The following KSR2 variants were observed in gnomAD, a reference collection of about 807,000 sequenced individuals.
KSR2 encodes kinase suppressor of ras 2.
KSR2 carries 25 observed loss-of-function variants against 107.8 expected under a neutral mutation model. That is an observed-to-expected ratio of 0.23 (90% CI 0.17 to 0.32). The LOEUF is 0.32. KSR2 is among the 10% of genes least tolerant of loss of function. KSR2 has a pLI of 1.00. For missense variants in KSR2, 887 were observed against 1,268.9 expected (o/e 0.70, Z 4.57); for synonymous variants, 480 against 507.0 (o/e 0.95, Z 0.71).
intron 14 of KSR2, among the ~76,000 whole-genome samples, chr12:117,489,545 T>C (rs1872639391): frequency 8.2e-6 from 1 of 121,264 alleles, no homozygotes; most frequent in Non-Finnish European, 1.7e-5. Flanking sequence ...TGAGACCCTG[T>C]CTCAAAAAAA....
intron 4 of KSR2, among the ~76,000 whole-genome samples, chr12:117,739,441 T>G (rs1408141411): frequency 6.6e-6 from 1 of 152,224 alleles, no homozygotes; most frequent in Non-Finnish European, 1.5e-5. Context: ...AGAGGCAATT[T>G]CCAGCTCCAT....
chr12:117,598,196 T>G (rs908778895), intron 5 of KSR2, among the ~76,000 whole-genome samples: 2 of 152,312 alleles, frequency 1.3e-5, no homozygotes, highest in Non-Finnish European at 2.9e-5. Context: ...TGCATCCCCA[T>G]AGCTTAGATC....
intron 1 of KSR2, among the ~76,000 whole-genome samples, chr12:117,904,910 G>A (rs535636144): frequency 2.0e-5 from 3 of 152,314 alleles, no homozygotes; most frequent in East Asian, 3.9e-4. Context: ...GGCCGGGCAC[G>A]GTGGCTCACA....
intron 5 of KSR2, 134 bp from the exon 6 acceptor site, chr12:117,582,493 C>T (rs557214404): frequency 2.3e-5 from 16 of 684,640 alleles, no homozygotes; most frequent in Non-Finnish European, 3.7e-5. Flanking sequence ...TAAACCAAAG[C>T]CAAGTGGAAC....
At chr12:117,965,925 A>G (rs1259590886) in intron 1 of KSR2, among the ~76,000 whole-genome samples, 1 of 152,206 alleles carries the variant, frequency 6.6e-6, no homozygotes, top group Non-Finnish European at 1.5e-5. Flanking sequence ...GCCCCTCTGC[A>G]GGGGCCCTCC....
chr12:117,539,908 A>G, intron 9 of KSR2, 21 bp from the exon 10 acceptor site: 3 of 1,585,804 alleles, frequency 1.9e-6, no homozygotes, highest in Admixed American at 3.7e-5. Context: ...AAAACAGGGT[A>G]GGAGTCAGGG....
At chr12:117,742,565 G>T (rs894266059) in intron 4 of KSR2, among the ~76,000 whole-genome samples, 1 of 147,284 alleles carries the variant, frequency 6.8e-6, no homozygotes, top group African/African-American at 2.5e-5. Flanking sequence ...AATGGGCAGA[G>T]AGATGAACAG....
chr12:117,481,141 T>C (rs904770994), intron 16 of KSR2, among the ~76,000 whole-genome samples: 1 of 152,138 alleles, frequency 6.6e-6, no homozygotes, highest in African/African-American at 2.4e-5. Flanking sequence ...AAAACAGCCT[T>C]ATGAGATAGG....
intron 5 of KSR2, among the ~76,000 whole-genome samples, chr12:117,613,265 C>T (rs1881702908): frequency 6.6e-6 from 1 of 152,230 alleles, no homozygotes; most frequent in Non-Finnish European, 1.5e-5. Flanking sequence ...TATGCACATA[C>T]ATTTTGACCT....
chr12:117,700,746 C>G (rs1341732570), intron 4 of KSR2, among the ~76,000 whole-genome samples: 1 of 152,170 alleles, frequency 6.6e-6, no homozygotes, highest in South Asian at 2.1e-4. Context: ...GAATCCTCAA[C>G]GTGGGAGCAA....
At chr12:117,714,243 C>T (rs1283935732) in intron 4 of KSR2, among the ~76,000 whole-genome samples, 2 of 152,128 alleles carry the variant, frequency 1.3e-5, no homozygotes, top group African/African-American at 2.4e-5. Context: ...TAAACTGCAC[C>T]GTTCTCTGAA....
At chr12:117,636,953 A>T (rs534418614) in intron 5 of KSR2, among the ~76,000 whole-genome samples, 4 of 104,968 alleles carry the variant, frequency 3.8e-5, no homozygotes, top group African/African-American at 7.4e-5. Flanking sequence ...AAAAGTCAAT[A>T]AAAAAAAAGA....
chr12:117,722,441 CAT>C (rs1887247647), intron 4 of KSR2, among the ~76,000 whole-genome samples: 1 of 152,158 alleles, frequency 6.6e-6, no homozygotes, highest in Non-Finnish European at 1.5e-5. Flanking sequence ...AAGATACAGG[CAT>C]CAAGACCTTG....
intron 5 of KSR2, among the ~76,000 whole-genome samples, chr12:117,651,402 A>G (rs1216918813): frequency 1.3e-5 from 2 of 152,142 alleles, no homozygotes. Context: ...CTACACTCTA[A>G]AAGAACTGTT....
chr12:117,715,072 G>C (rs1041522524), intron 4 of KSR2, among the ~76,000 whole-genome samples: 32 of 152,010 alleles, frequency 2.1e-4, no homozygotes, highest in African/African-American at 7.5e-4. Context: ...TTGCTTTTCT[G>C]TGTTGCCCCT....
chr12:117,748,753 T>C (rs1193045008), intron 4 of KSR2, among the ~76,000 whole-genome samples: 1 of 152,156 alleles, frequency 6.6e-6, no homozygotes, highest in Non-Finnish European at 1.5e-5. Flanking sequence ...GCAATTATAC[T>C]TATGATGACC....
chr12:117,929,884 T>G (rs186922335), intron 1 of KSR2, among the ~76,000 whole-genome samples: 7 of 152,272 alleles, frequency 4.6e-5, no homozygotes, highest in Admixed American at 3.3e-4. Context: ...TCTTGTTTAA[T>G]GAGGACAGAG....
At chr12:117,718,185 T>A (rs1213628581) in intron 4 of KSR2, among the ~76,000 whole-genome samples, 2 of 152,248 alleles carry the variant, frequency 1.3e-5, no homozygotes, top group African/African-American at 2.4e-5. Context: ...TTCATCTGGA[T>A]TAACAGAGTA....
intron 13 of KSR2, among the ~76,000 whole-genome samples, chr12:117,525,851 C>T (rs1875110716): frequency 6.6e-6 from 1 of 152,180 alleles, no homozygotes; most frequent in African/African-American, 2.4e-5. Flanking sequence ...TCTGAGGCTC[C>T]TACAGCAGCT....
Sources: allele counts gnomAD v4.1 joint callset (sites outside exome capture counted in the v4.1 genomes callset), GRCh38; gene constraint gnomAD v4.1.1; transcripts MANE v1.5; gene names NCBI Gene and HGNC (gene_info 2026-07-23, HGNC 2026-07-21).